Variants in ITGB3 observed in about 807,000 individuals in gnomAD.
ITGB3 encodes the protein integrin beta-3.
ITGB3 carries 48 observed loss-of-function variants against 85.8 expected under a neutral mutation model. The ratio of observed to expected loss-of-function variants is 0.56; its 90% CI spans 0.44 to 0.71. The LOEUF (loss-of-function observed/expected upper bound fraction) is 0.71, where lower values mean the gene tolerates loss of function less well. ITGB3 is among the 30% of genes least tolerant of loss of function. The probability of loss-of-function intolerance (pLI) is 0.00; values close to 1 mark genes in which losing one functional copy is unlikely to be tolerated. For synonymous variants in ITGB3, 363 were observed against 395.6 expected, an observed-to-expected ratio of 0.92 and a Z score of 0.98; for missense variants, 861 against 1,019.1, an observed-to-expected ratio of 0.84 and a Z score of 2.11.
chr17:47,292,395 C>T lies in ITGB3; in HGVS notation c.1517C>T (p.Pro506Leu). ...QCECSEEDYR[P>L]SQQDECSPRE... ...GAGTGCTCAGAGGAGGACTATCGCCCTTCCCAGCAGGACGAATGCAGCCCC... is the reference window on the plus strand; with the variant it reads ...GAGTGCTCAGAGGAGGACTATCGCCTTTCCCAGCAGGACGAATGCAGCCCC... Residue 506 changes from proline (P) to leucine (L), a missense_variant, in exon 10 of 15, where the codon CCT becomes CTT. Pro to Leu is a moderately conservative substitution (Grantham distance 98). Coordinates refer to ENST00000559488, the MANE Select transcript of ITGB3 (RefSeq NM_000212.3). 3 of 1,613,660 alleles carry T rather than the reference C, an allele frequency of 1.9e-6. No homozygotes were observed. The highest frequency in any genetic ancestry group is 2.5e-6 in the Non-Finnish European group (3 of 1,179,560).
intron 1 of ITGB3, among the ~76,000 whole-genome samples, chr17:47,264,255 T>G (rs187862653): frequency 5.9e-5 from 9 of 152,156 alleles, no homozygotes; most frequent in Non-Finnish European, 1.2e-4. Flanking sequence ...TTGCTCTGTT[T>G]AAAATTTAGG....
chr17:47,290,881 T>C, intron 8 of ITGB3, 73 bp from the exon 9 acceptor site: 1 of 1,575,566 alleles, frequency 6.3e-7, no homozygotes, highest in Non-Finnish European at 8.7e-7. Flanking sequence ...TGGCTTGGGA[T>C]GGAACTGGCT....
At chr17:47,283,665 G>C in intron 3 of ITGB3, 116 bp downstream of exon 3, 1 of 988,986 alleles carries the variant, frequency 1.0e-6, no homozygotes, top group Non-Finnish European at 1.6e-6. Flanking sequence ...GGGGTGGGAA[G>C]ACAAGGATGA....
chr17:47,290,861 T>C (rs2065122499), intron 8 of ITGB3, 93 bp from the exon 9 acceptor site: 1 of 1,471,692 alleles, frequency 6.8e-7, no homozygotes, highest in Non-Finnish European at 9.4e-7. Context: ...CCAGAGCTAC[T>C]TGCCAGATTT....
rs1567772836 is a variant in ITGB3 at position 47,313,474 on chromosome 17, G to A, written c.*3270G>A. On this transcript the variant is annotated 3_prime_UTR_variant, in exon 15 of 15. Coordinates refer to ENST00000559488, the MANE Select transcript of ITGB3 (RefSeq NM_000212.3). ...CCATTCTCCTGCCTCAGCCTCCCGAGTAGCTGGGATTACAGGCACCTGCCA... is the reference window on the plus strand; with the variant it reads ...CCATTCTCCTGCCTCAGCCTCCCGAATAGCTGGGATTACAGGCACCTGCCA... 6.6e-6 allele frequency among the ~76,000 whole-genome samples: 1 copy of A among 151,186 alleles called. No individual in the cohort carries two copies. Among genetic ancestry groups the A allele is most frequent in the Non-Finnish European group, 1.5e-5 (1 of 67,860 alleles).
intron 10 of ITGB3, among the ~76,000 whole-genome samples, chr17:47,298,540 G>A (rs999053383): frequency 1.3e-5 from 2 of 152,136 alleles, no homozygotes; most frequent in African/African-American, 4.8e-5. Flanking sequence ...ATAACCCCAT[G>A]CCCTGGATCT....
intron 1 of ITGB3, among the ~76,000 whole-genome samples, chr17:47,264,033 G>T (rs182675768): frequency 2.0e-4 from 30 of 152,320 alleles, no homozygotes; most frequent in African/African-American, 6.7e-4. Context: ...GAAAGTTCCT[G>T]CCTAGGATCC....
chr17:47,308,160 A>AAAT (rs200038305), intron 14 of ITGB3, among the ~76,000 whole-genome samples: 5,490 of 138,518 alleles, frequency 0.04, 192 homozygotes, highest in East Asian at 0.2. Flanking sequence ...TCGGTCTCAA[A>AAAT]AATAATAATA....
In ITGB3 at chr17:47,284,556, A is replaced by T; in HGVS notation, c.475A>T (p.Asn159Tyr). The T allele has an allele frequency of 6.2e-7, 1 of 1,614,192 alleles. No homozygotes were observed. ...SMKDDLWSIQ[N>Y]LGTKLATQMR... is the part of the protein sequence containing the mutation. ...GAAGGATGATCTGTGGAGCATCCAG[A>T]ACCTGGGTACCAAGCTGGCCACCCA... The change falls in exon 4 of 15, where the codon AAC (asparagine) becomes TAC (tyrosine). Residue 159 changes from asparagine (N) to tyrosine (Y), a missense_variant. Transcript: ENST00000559488.
chr17:47,300,117 AT>A (rs1000670734), intron 11 of ITGB3, among the ~76,000 whole-genome samples: 1 of 152,132 alleles, frequency 6.6e-6, no homozygotes, highest in Non-Finnish European at 1.5e-5. Flanking sequence ...TGACATTTTC[AT>A]TTTGCACTGG....
At chr17:47,295,140 A>G (rs1324974107) in intron 10 of ITGB3, among the ~76,000 whole-genome samples, 2 of 152,200 alleles carry the variant, frequency 1.3e-5, no homozygotes, top group Non-Finnish European at 2.9e-5. Flanking sequence ...AATTCCCAAC[A>G]TGAGGTTGAA....
intron 10 of ITGB3, among the ~76,000 whole-genome samples, chr17:47,297,245 T>C (rs76206953): frequency 6.6e-6 from 1 of 152,186 alleles, no homozygotes; most frequent in South Asian, 2.1e-4. Flanking sequence ...TCACAGTGAC[T>C]TCAGTTTGAG....
chr17:47,257,170 T>C (rs777363054), intron 1 of ITGB3, among the ~76,000 whole-genome samples: 4 of 152,258 alleles, frequency 2.6e-5, no homozygotes, highest in Non-Finnish European at 5.9e-5. Context: ...CTATCTGCCA[T>C]GTATTGGAGG....
chr17:47,290,712 T>G (rs1247705065), intron 8 of ITGB3, among the ~76,000 whole-genome samples: 1 of 152,118 alleles, frequency 6.6e-6, no homozygotes, highest in East Asian at 1.9e-4. Flanking sequence ...AGGGTGTAGC[T>G]GGTACATTTT....
chr17:47,292,764 A>C (rs1239233448), intron 10 of ITGB3, among the ~76,000 whole-genome samples, 196 bp downstream of exon 10: 2 of 152,202 alleles, frequency 1.3e-5, no homozygotes, highest in Non-Finnish European at 2.9e-5. Context: ...ATGGCAATTA[A>C]ATTTTTAGCA....
At chr17:47,292,837 T>C (rs1397914821) in intron 10 of ITGB3, among the ~76,000 whole-genome samples, 1 of 152,170 alleles carries the variant, frequency 6.6e-6, no homozygotes, top group African/African-American at 2.4e-5. Context: ...TTTACATGAG[T>C]TTATCTTTGT....
At chr17:47,277,085 C>T (rs147469353) in intron 2 of ITGB3, among the ~76,000 whole-genome samples, 4 of 152,204 alleles carry the variant, frequency 2.6e-5, no homozygotes, top group African/African-American at 4.8e-5. Context: ...GAGTTTTGGG[C>T]CCATCTGCAT....
intron 2 of ITGB3, among the ~76,000 whole-genome samples, chr17:47,282,916 G>A (rs2143088534): frequency 6.6e-6 from 1 of 152,188 alleles, no homozygotes; most frequent in African/African-American, 2.4e-5. Flanking sequence ...CAAAATGATG[G>A]TTGACACCTG....
Position 47,311,916 on chromosome 17 carries a change from G to A in ITGB3, c.*1712G>A, listed in dbSNP as rs1235509061. 1 of 152,338 alleles carries A rather than the reference G, an allele frequency of 6.6e-6. No individual in the cohort carries two copies. Among genetic ancestry groups the A allele is most frequent in the African/African-American group, 2.4e-5 (1 of 41,466 alleles). The allele number at this position is 152,338 out of a possible 1,614,324, so 9.4% of individuals were successfully genotyped here. ...AAAGCTGTTTTCTAGTTTGAGAAAT[G>A]ATGGGATTTTAGCAGCCAGTCTTGA... On this transcript the variant is annotated 3_prime_UTR_variant, in exon 15 of 15. Coordinates refer to ENST00000559488, the MANE Select transcript of ITGB3 (RefSeq NM_000212.3).
Sources: gnomAD v4.1 joint callset for allele counts (sites outside exome capture counted in the v4.1 genomes callset) on GRCh38, gnomAD v4.1.1 for gene constraint, MANE v1.5 for transcripts, NCBI Gene and HGNC (gene_info 2026-07-23, HGNC 2026-07-21) for gene names.